The following ZNF143 variants were observed in gnomAD, a reference collection of about 807,000 sequenced individuals.
ZNF143 encodes zinc finger protein 143, also known as SPH-binding factor.
ZNF143 carries 49 observed loss-of-function variants against 74.1 expected under a neutral mutation model. That is an observed-to-expected ratio of 0.66 (90% confidence interval 0.53 to 0.84). ZNF143 has a LOEUF of 0.84. Among genes scored for constraint, ZNF143 ranks in the 40% least tolerant of loss-of-function variants. The pLI, the probability that ZNF143 is intolerant of heterozygous loss-of-function variation, is 0.00. For missense variants in ZNF143, 637 were observed against 793.4 expected (o/e 0.80, Z 2.37); for synonymous variants, 304 against 282.8 (o/e 1.07, Z -0.75).
At chr11:9,501,340 C>T (rs1350959827) in intron 11 of ZNF143, 70 bp downstream of exon 11, 2 of 1,533,676 alleles carry the variant, frequency 1.3e-6, no homozygotes, top group East Asian at 4.5e-5. Flanking sequence ...TTCCAGAAAC[C>T]ATTTCCAACT....
intron 12 of ZNF143, among the ~76,000 whole-genome samples, chr11:9,510,946 T>C (rs1848518734): frequency 6.6e-6 from 1 of 152,094 alleles, no homozygotes; most frequent in Non-Finnish European, 1.5e-5. Flanking sequence ...CCATACATTG[T>C]CTTTACACAG....
chr11:9,493,322 G>A (rs906611994), intron 7 of ZNF143, among the ~76,000 whole-genome samples: 3 of 151,978 alleles, frequency 2.0e-5, no homozygotes, highest in African/African-American at 7.2e-5. Flanking sequence ...CGCCCGCCTC[G>A]GCCTCACAAA....
chr11:9,480,537 C>A (rs1379968953), intron 7 of ZNF143, among the ~76,000 whole-genome samples: 1 of 152,130 alleles, frequency 6.6e-6, no homozygotes, highest in Non-Finnish European at 1.5e-5. Flanking sequence ...GAAGATTTTA[C>A]ATTTATATTA....
chr11:9,465,616 C>T (rs1856155977), intron 1 of ZNF143, among the ~76,000 whole-genome samples: 1 of 151,112 alleles, frequency 6.6e-6, no homozygotes, highest in African/African-American at 2.4e-5. Flanking sequence ...TCTCCTGCCT[C>T]AGCCTCCCTA....
At chr11:9,477,477 A>G (rs939275894) in intron 5 of ZNF143, among the ~76,000 whole-genome samples, 1 of 151,884 alleles carries the variant, frequency 6.6e-6, no homozygotes, top group Non-Finnish European at 1.5e-5. Flanking sequence ...GGATGGTCTC[A>G]ATCTCTTGAC....
At chr11:9,526,317 G>T (rs1249311195) in intron 15 of ZNF143, among the ~76,000 whole-genome samples, 1 of 151,592 alleles carries the variant, frequency 6.6e-6, no homozygotes, top group Non-Finnish European at 1.5e-5. Flanking sequence ...TCGCACCACT[G>T]TACTCCAGCC....
chr11:9,498,196 A>G (rs1166088659), intron 10 of ZNF143, among the ~76,000 whole-genome samples: 2 of 152,246 alleles, frequency 1.3e-5, no homozygotes, highest in African/African-American at 2.4e-5. Context: ...CAGGAAGTCA[A>G]TATCAAGGGC....
At chr11:9,521,700 G>C (rs1256608378) in intron 14 of ZNF143, among the ~76,000 whole-genome samples, 1 of 151,642 alleles carries the variant, frequency 6.6e-6, no homozygotes, top group Non-Finnish European at 1.5e-5. Flanking sequence ...AAGTTTGTCT[G>C]TTTCATCTAA....
chr11:9,484,421 G>A lies in ZNF143; in HGVS notation c.645+4875G>A, dbSNP rs139732013. Among the ~76,000 whole-genome samples the A allele has an allele frequency of 7.7e-3, 1,152 of 150,374 alleles. 58 individuals are homozygous for A. Among genetic ancestry groups the A allele is most frequent in the African/African-American group, 0.027 (1,077 of 40,276 alleles). On this transcript the variant is annotated intron_variant, in intron 7 of 15. Coordinates refer to ENST00000396602, the MANE Select transcript of ZNF143 (RefSeq NM_003442.6). ...ATGTTTTTTATATTTCACCTTGTTG[G>A]CCAGGCTGATCACAAACTCCTGACC...
chr11:9,495,376 G>A (rs762934904), intron 8 of ZNF143, among the ~76,000 whole-genome samples: 38 of 152,162 alleles, frequency 2.5e-4, no homozygotes, highest in Non-Finnish European at 5.0e-4. Flanking sequence ...GGGAGGCAGA[G>A]GTTGCAGTAA....
intron 7 of ZNF143, among the ~76,000 whole-genome samples, chr11:9,492,030 TGCCTCCTGTGTTCAAGTGA>T (rs1847800647): frequency 6.6e-6 from 1 of 151,992 alleles, no homozygotes. Context: ...CTGCAACCTC[TGCCTCCTGTGTTCAAGTGA>T]TTCTCCTGCC....
intron 1 of ZNF143, among the ~76,000 whole-genome samples, chr11:9,467,561 A>G (rs1231265347): frequency 6.6e-6 from 1 of 152,016 alleles, no homozygotes; most frequent in African/African-American, 2.4e-5. Context: ...GGTGAAAATC[A>G]TGGCTGGCTG....
intron 14 of ZNF143, among the ~76,000 whole-genome samples, chr11:9,519,032 A>G (rs1464946210): frequency 2.0e-5 from 3 of 152,214 alleles, no homozygotes; most frequent in Non-Finnish European, 4.4e-5. Context: ...TTACATAACA[A>G]TGAAATGCAC....
At chr11:9,480,900 G>A (rs1375049310) in intron 7 of ZNF143, among the ~76,000 whole-genome samples, 10 of 147,990 alleles carry the variant, frequency 6.8e-5, no homozygotes, top group African/African-American at 2.0e-4. Flanking sequence ...AAAAAAAAAA[G>A]AAAAAAGAAA....
intron 5 of ZNF143, among the ~76,000 whole-genome samples, chr11:9,475,644 A>C (rs925034799): frequency 9.2e-5 from 14 of 152,266 alleles, no homozygotes; most frequent in Non-Finnish European, 1.3e-4. Context: ...TAATCCTAGC[A>C]CTTTGGGAGG....
At chr11:9,525,993 T>C (rs118119798) in intron 15 of ZNF143, among the ~76,000 whole-genome samples, 7,723 of 151,474 alleles carry the variant, frequency 0.051, 269 homozygotes, top group Non-Finnish European at 0.076. Flanking sequence ...ACACAAAAAT[T>C]AGCTGGGTGT....
At chr11:9,510,049 C>T (rs1441238361) in intron 12 of ZNF143, among the ~76,000 whole-genome samples, 1 of 151,938 alleles carries the variant, frequency 6.6e-6, no homozygotes, top group Admixed American at 6.6e-5. Context: ...GTTTGCAAGA[C>T]TCTTTTTCTA....
At chr11:9,501,677 T>A (rs1041143562) in intron 11 of ZNF143, among the ~76,000 whole-genome samples, 1 of 152,010 alleles carries the variant, frequency 6.6e-6, no homozygotes, top group Admixed American at 6.6e-5. Context: ...AATCCTGAAG[T>A]TTGCCACATA....
In ZNF143 at chr11:9,465,737, C is replaced by T. The variant is rs562465314; in HGVS notation, c.-8+4661C>T. On this transcript the variant is annotated intron_variant, in intron 1 of 15. Coordinates refer to ENST00000396602, the MANE Select transcript of ZNF143 (RefSeq NM_003442.6). ...TGACCTCATAATCTGCCCGTCTTGG[C>T]CTCCCAAAGGACTTATTATTATAAG... 6.0e-4 allele frequency among the ~76,000 whole-genome samples: 91 copies of T among 151,106 alleles called. 1 individual carries two copies. The highest frequency in any genetic ancestry group is 3.4e-3 in the Middle Eastern group (1 of 294).
Sources: gnomAD v4.1 joint callset for allele counts (sites outside exome capture counted in the v4.1 genomes callset) on GRCh38, gnomAD v4.1.1 for gene constraint, MANE v1.5 for transcripts, NCBI Gene and HGNC (gene_info 2026-07-23, HGNC 2026-07-21) for gene names.